The following EDIL3 variants were observed in gnomAD, a reference collection of about 807,000 sequenced individuals.
EDIL3 encodes EGF like and discoidin domains 3.
Under a neutral mutation model 67.4 loss-of-function variants are expected in EDIL3, and 37 were observed. The ratio of observed to expected loss-of-function variants is 0.55; its 90% CI spans 0.42 to 0.72. The LOEUF (loss-of-function observed/expected upper bound fraction) is 0.72, where lower values mean the gene tolerates loss of function less well. EDIL3 is among the 30% of genes least tolerant of loss of function. The pLI is 0.00. For missense variants in EDIL3, 527 were observed against 586.3 expected (o/e 0.90, Z 1.04); for synonymous variants, 195 against 196.3 (o/e 0.99, Z 0.05).
At chr5:84,232,764 AC>A (rs1451416863) in intron 2 of EDIL3, among the ~76,000 whole-genome samples, 1 of 152,188 alleles carries the variant, frequency 6.6e-6, no homozygotes, top group Non-Finnish European at 1.5e-5. Flanking sequence ...CACAAGGGTT[AC>A]TATTGGTAAT....
At chr5:84,277,859 G>T (rs529485421) in intron 1 of EDIL3, among the ~76,000 whole-genome samples, 2 of 151,716 alleles carry the variant, frequency 1.3e-5, no homozygotes, top group Non-Finnish European at 2.9e-5. Context: ...AAGTTAATAC[G>T]CATGATAATG....
intron 9 of EDIL3, among the ~76,000 whole-genome samples, chr5:84,005,248 T>A (rs1745391605): frequency 6.6e-6 from 1 of 152,026 alleles, no homozygotes; most frequent in Admixed American, 6.6e-5. Context: ...TCTTCCAGAC[T>A]TATAAAGAAA....
chr5:84,334,060 A>C (rs1211415450), intron 1 of EDIL3, among the ~76,000 whole-genome samples: 4 of 141,088 alleles, frequency 2.8e-5, no homozygotes, highest in Non-Finnish European at 4.6e-5. Flanking sequence ...GCCATGTGGA[A>C]GAGTTGATTT....
intron 1 of EDIL3, among the ~76,000 whole-genome samples, chr5:84,321,151 A>C (rs1175943181): frequency 2.0e-5 from 3 of 152,162 alleles, no homozygotes; most frequent in Non-Finnish European, 4.4e-5. Flanking sequence ...CTTTGTGCAG[A>C]ATTTCCTAAC....
chr5:84,117,120 C>T (rs1416214256), intron 5 of EDIL3, among the ~76,000 whole-genome samples: 4 of 150,594 alleles, frequency 2.7e-5, no homozygotes, highest in Admixed American at 2.0e-4. Context: ...CTCCGCCTCC[C>T]GGGTTCACGC....
intron 3 of EDIL3, among the ~76,000 whole-genome samples, chr5:84,209,378 T>TA (rs897476966): frequency 3.8e-4 from 58 of 151,444 alleles, no homozygotes; most frequent in Non-Finnish European, 7.2e-4. Flanking sequence ...AGTATAATAA[T>TA]AAAAAAAAGA....
chr5:84,309,330 GC>G (rs1219191600), intron 1 of EDIL3, among the ~76,000 whole-genome samples: 12 of 120,286 alleles, frequency 1.0e-4, no homozygotes, highest in Non-Finnish European at 1.6e-4. Flanking sequence ...TTTTTTTTTG[GC>G]GATTTCTTTT....
chr5:84,112,375 A>G (rs1253537446), intron 5 of EDIL3, among the ~76,000 whole-genome samples: 3 of 152,224 alleles, frequency 2.0e-5, no homozygotes, highest in Non-Finnish European at 4.4e-5. Flanking sequence ...AGTAATGATT[A>G]GATGCAAGGT....
chr5:84,357,145 G>T (rs1747505007), intron 1 of EDIL3, among the ~76,000 whole-genome samples: 1 of 151,718 alleles, frequency 6.6e-6, no homozygotes, highest in Admixed American at 6.6e-5. Flanking sequence ...GGCTAGTGTT[G>T]AACACCTGAC....
intron 6 of EDIL3, among the ~76,000 whole-genome samples, chr5:84,102,635 A>T (rs139333665): frequency 6.6e-6 from 1 of 151,844 alleles, no homozygotes; most frequent in Non-Finnish European, 1.5e-5. Context: ...CAAAAAAAAA[A>T]CGAAAAAACC....
chr5:84,359,703 C>A (rs151073171), intron 1 of EDIL3, among the ~76,000 whole-genome samples: 3 of 152,168 alleles, frequency 2.0e-5, no homozygotes, highest in Admixed American at 6.5e-5. Context: ...GATGAGGAAA[C>A]GGGGTTATTC....
At chr5:84,271,416 C>CAAATAAATAAATAAATAAATAAATAAAT in intron 1 of EDIL3, among the ~76,000 whole-genome samples, 1 of 140,942 alleles carries the variant, frequency 7.1e-6, no homozygotes, top group African/African-American at 2.6e-5. Context: ...TCTGTCTCTA[C>CAAATAAATAAATAAATAAATAAATAAAT]AAATAAATAA....
At chr5:84,077,139 G>GTA (rs1311329964) in intron 6 of EDIL3, among the ~76,000 whole-genome samples, 1 of 152,204 alleles carries the variant, frequency 6.6e-6, no homozygotes, top group Non-Finnish European at 1.5e-5. Flanking sequence ...ATGATGACTA[G>GTA]TATAGTTTGA....
At chr5:83,981,521 G>A (rs1252585677) in intron 9 of EDIL3, among the ~76,000 whole-genome samples, 1 of 151,988 alleles carries the variant, frequency 6.6e-6, no homozygotes, top group Non-Finnish European at 1.5e-5. Context: ...TTCAGTAGGG[G>A]TGAGGAAGGA....
chr5:83,977,044 A>C (rs894489410), intron 9 of EDIL3, among the ~76,000 whole-genome samples: 13 of 151,934 alleles, frequency 8.6e-5, no homozygotes, highest in African/African-American at 3.1e-4. Context: ...AGTGTGAGGA[A>C]CGTTCTTATA....
intron 2 of EDIL3, among the ~76,000 whole-genome samples, chr5:84,243,321 G>T (rs1744835513): frequency 6.6e-6 from 1 of 152,160 alleles, no homozygotes. Flanking sequence ...AATACAGCTG[G>T]ACCTCCATAT....
intron 1 of EDIL3, among the ~76,000 whole-genome samples, chr5:84,313,504 A>C (rs896365926): frequency 2.6e-5 from 4 of 152,216 alleles, no homozygotes; most frequent in African/African-American, 9.6e-5. Flanking sequence ...TGTAGCTACC[A>C]TGTACTAGTG....
At chr5:84,217,009 T>C (rs1744238384) in intron 3 of EDIL3, among the ~76,000 whole-genome samples, 1 of 152,184 alleles carries the variant, frequency 6.6e-6, no homozygotes, top group African/African-American at 2.4e-5. Flanking sequence ...TGAAGGCCCA[T>C]GGCATTTTAT....
At chr5:84,097,344 C>T (rs780548014) in intron 6 of EDIL3, among the ~76,000 whole-genome samples, 1 of 152,132 alleles carries the variant, frequency 6.6e-6, no homozygotes, top group Non-Finnish European at 1.5e-5. Context: ...TAGTATTATA[C>T]TATATCATAC....
Sources: gnomAD v4.1 joint callset for allele counts (sites outside exome capture counted in the v4.1 genomes callset) on GRCh38, gnomAD v4.1.1 for gene constraint, MANE v1.5 for transcripts, NCBI Gene and HGNC (gene_info 2026-07-23, HGNC 2026-07-21) for gene names.